The following KNTC1 variants were observed in gnomAD, a reference collection of about 807,000 sequenced individuals.
KNTC1 encodes kinetochore-associated protein 1.
KNTC1 carries 253 observed loss-of-function variants against 314.4 expected under a neutral mutation model. The ratio of observed to expected loss-of-function variants is 0.80; its 90% CI spans 0.73 to 0.89. KNTC1 has a LOEUF of 0.89. KNTC1 is among the 40% of genes least tolerant of loss of function. The pLI is 0.00. For synonymous variants in KNTC1, 901 were observed against 901.4 expected (o/e 1.00, Z 0.01); for missense variants, 2,475 against 2,572.9 (o/e 0.96, Z 0.82).
intron 37 of KNTC1, 99 bp downstream of exon 37, chr12:122,585,873 G>A (rs927663719): frequency 6.3e-6 from 7 of 1,111,452 alleles, no homozygotes; most frequent in East Asian, 2.4e-5. Flanking sequence ...TAATGTGGGC[G>A]AACCTTATAA....
intron 49 of KNTC1, 98 bp downstream of exon 49, chr12:122,604,735 G>C: frequency 8.2e-7 from 1 of 1,223,228 alleles, no homozygotes; most frequent in East Asian, 2.4e-5. Flanking sequence ...CTAAAATGGA[G>C]AAGGAAGACC....
At chr12:122,566,047 A>AT (rs982705040) in intron 20 of KNTC1, among the ~76,000 whole-genome samples, 11 of 143,168 alleles carry the variant, frequency 7.7e-5, no homozygotes, top group African/African-American at 2.4e-4. Flanking sequence ...GATTCAAGTG[A>AT]TTCTCCTGCC....
chr12:122,582,913 A>ATCTCC lies in KNTC1; in HGVS notation c.3191_3192insTCTCC (p.Gln1064HisfsTer9). ...GCACTGGCCCTGCAGATGTCCAAAC[A>ATCTCC]AGAGCTGGAGGCAGAGCTGACCTTG... On this transcript the variant is annotated frameshift_variant, in exon 34 of 64. Coordinates refer to ENST00000333479, the MANE Select transcript of KNTC1 (RefSeq NM_014708.6). LOFTEE classifies it high-confidence loss of function. 1 of 1,613,640 alleles carries ATCTCC rather than the reference A, an allele frequency of 6.2e-7. No homozygotes were observed. The highest frequency in any genetic ancestry group is 8.5e-7 in the Non-Finnish European group (1 of 1,179,754).
At chr12:122,532,206 C>CTTTTTT in intron 2 of KNTC1, among the ~76,000 whole-genome samples, 1 of 99,548 alleles carries the variant, frequency 1.0e-5, no homozygotes, top group Non-Finnish European at 2.0e-5. Flanking sequence ...GCTAATTTTT[C>CTTTTTT]TTTTTTTTTT....
rs150458818 is a variant in KNTC1, at chr12:122,539,696, C to T, written c.387C>T (p.Asn129=). The stretch of plus-strand genomic sequence containing the variant: ...TTTAGGCATTTGTTCAGAAAGCTAA[C>T]GATGAAAATCGGCGGACTTACCAGA... The part of the protein sequence containing the change: ...LLTNAFVQKA[N]DENRRTYQNL... Residue 129 remains asparagine, a synonymous_variant, in exon 5 of 64, where the codon AAC becomes AAT. Transcript: ENST00000333479. 1.7e-5 allele frequency: 26 copies of T among 1,575,404 alleles called. No homozygotes were observed. The highest frequency in any genetic ancestry group is 2.7e-5 in the African/African-American group (2 of 73,644).
At chr12:122,574,447 G>T in intron 27 of KNTC1, 67 bp downstream of exon 27, 2 of 937,512 alleles carry the variant, frequency 2.1e-6, no homozygotes, top group Admixed American at 5.2e-5. Flanking sequence ...GCTTTTTTCT[G>T]TTCATAAAAG....
At chr12:122,528,622 A>G (rs918799698) in intron 1 of KNTC1, among the ~76,000 whole-genome samples, 4 of 152,198 alleles carry the variant, frequency 2.6e-5, no homozygotes, top group East Asian at 1.9e-4. Context: ...ATTGGTATCC[A>G]TGGGAGATTG....
chr12:122,605,609 G>C (rs557217466), intron 51 of KNTC1, among the ~76,000 whole-genome samples, 194 bp downstream of exon 51: 124 of 152,244 alleles, frequency 8.1e-4, no homozygotes, highest in Middle Eastern at 3.4e-3. Flanking sequence ...GTAATGGCGC[G>C]GTCTCGGCTC....
intron 44 of KNTC1, among the ~76,000 whole-genome samples, chr12:122,601,081 T>A (rs755833620): frequency 6.6e-5 from 10 of 152,146 alleles, no homozygotes; most frequent in Non-Finnish European, 1.0e-4. Flanking sequence ...TTTATTTTTT[T>A]ATTTTTATTA....
At position 122,597,467 on chromosome 12, in the gene KNTC1, T is replaced by C. The variant is rs917427523; in HGVS notation, c.4356-264T>C. On this transcript the variant is annotated intron_variant, in intron 43 of 63. Transcript: ENST00000333479. ...TTTCACTATGTTGGCCAGGCTGGTC[T>C]CAAACTCCTGACCTCGTGATCTGTT... The C allele has an allele frequency of 1.8e-5, 7 of 382,160 alleles. No homozygotes were observed. The Admixed American group carries it at 2.3e-4, about 12-fold the overall frequency. 23.7% of individuals were successfully genotyped at this position (382,160 alleles called of 1,614,324 possible).
intron 31 of KNTC1, among the ~76,000 whole-genome samples, chr12:122,579,311 G>A (rs1965243549): frequency 6.6e-6 from 1 of 151,642 alleles, no homozygotes. Flanking sequence ...TGATCCGCCT[G>A]CCTCGGCCTC....
chr12:122,532,268 G>A (rs1239554541), intron 2 of KNTC1, among the ~76,000 whole-genome samples: 7 of 147,918 alleles, frequency 4.7e-5, no homozygotes, highest in African/African-American at 1.8e-4. Context: ...GAGTGCAGTG[G>A]CGTGATCTTG....
chr12:122,584,908 C>T lies in KNTC1; in HGVS notation c.3452C>T (p.Ala1151Val). The T allele has an allele frequency of 6.4e-7, 1 of 1,565,082 alleles. No homozygotes were observed. The highest frequency in any genetic ancestry group is 8.8e-7 in the Non-Finnish European group (1 of 1,136,382). The change falls in exon 36 of 64, where the codon GCT becomes GTT. Residue 1151 changes from alanine (A) to valine (V), a missense_variant. Coordinates refer to ENST00000333479, the MANE Select transcript of KNTC1 (RefSeq NM_014708.6). ...TTTGTTTCAGATTTTTTACTAGATG[C>T]TTTAGAACTATGTAAACATACTTTA... is the stretch of plus-strand genomic sequence containing the variant. Reference protein sequence around the residue: ...TICSPDFLLDALELCKHTLMA... With the variant: ...TICSPDFLLDVLELCKHTLMA...
At chr12:122,600,783 C>A (rs1028718454) in intron 44 of KNTC1, among the ~76,000 whole-genome samples, 1 of 151,568 alleles carries the variant, frequency 6.6e-6, no homozygotes, top group African/African-American at 2.4e-5. Context: ...CTCCTGCCTC[C>A]GCCTCCCAAG....
chr12:122,621,346 T>C (rs547689705), intron 60 of KNTC1, among the ~76,000 whole-genome samples: 1 of 152,294 alleles, frequency 6.6e-6, no homozygotes, highest in Admixed American at 6.5e-5. Flanking sequence ...TTCAGGCTTT[T>C]TCGTTTGTTT....
At chr12:122,562,258 T>C (rs1964021890) in intron 19 of KNTC1, among the ~76,000 whole-genome samples, 1 of 152,220 alleles carries the variant, frequency 6.6e-6, no homozygotes, top group South Asian at 2.1e-4. Context: ...TACATGTGTG[T>C]GTGCATGTGA....
At chr12:122,568,165 G>T in intron 20 of KNTC1, 96 bp from the exon 21 acceptor site, 1 of 673,288 alleles carries the variant, frequency 1.5e-6, no homozygotes. Context: ...TTATGAAGAA[G>T]AAAACTAATT....
intron 20 of KNTC1, among the ~76,000 whole-genome samples, chr12:122,566,540 G>A (rs930665394): frequency 3.3e-5 from 5 of 151,330 alleles, no homozygotes; most frequent in African/African-American, 1.2e-4. Flanking sequence ...CTCCCGACTA[G>A]CTGGGATTAC....
At chr12:122,613,425 G>C (rs1873400152) in intron 54 of KNTC1, 195 bp downstream of exon 54, 1 of 655,616 alleles carries the variant, frequency 1.5e-6, no homozygotes, top group Admixed American at 3.2e-5. Flanking sequence ...TCGTTTCTTG[G>C]AGACATTTAG....
Sources: gnomAD v4.1 joint callset for allele counts (sites outside exome capture counted in the v4.1 genomes callset) on GRCh38, gnomAD v4.1.1 for gene constraint, MANE v1.5 for transcripts, NCBI Gene and HGNC (gene_info 2026-07-23, HGNC 2026-07-21) for gene names.